Variants in CPAP observed in about 807,000 individuals in gnomAD.
CPAP encodes centrosomal P4.1-associated protein.
chr13:24,884,603 A>G, the CPAP span: 1 of 810,150 alleles, frequency 1.2e-6, no homozygotes, highest in African/African-American at 1.7e-5. Context: ...TTTCGTGAGG[A>G]GTAGCAAACT....
chr13:24,885,097 G>A, the CPAP span, among the ~76,000 whole-genome samples: 3 of 152,180 alleles, frequency 2.0e-5, no homozygotes, highest in Non-Finnish European at 4.4e-5. Context: ...CAAAGGCTTT[G>A]GAGTAAGAAC....
chr13:24,906,224 T>C, the CPAP span: 8 of 1,609,822 alleles, frequency 5.0e-6, no homozygotes, highest in African/African-American at 1.1e-4. Flanking sequence ...GCAGATCTGT[T>C]GATCCCTTTC....
chr13:24,925,164 CAG>C, the CPAP span, among the ~76,000 whole-genome samples: 90 of 152,168 alleles, frequency 5.9e-4, 1 homozygote, highest in South Asian at 2.7e-3. Context: ...TTTTTGGAGA[CAG>C]GGGTCTCACT....
At chr13:24,902,236 TA>T in the CPAP span, among the ~76,000 whole-genome samples, 128,663 of 151,596 alleles carry the variant, frequency 0.85, 54,653 homozygotes, top group South Asian at 0.89. Flanking sequence ...GGGAAAATGC[TA>T]AAAAAAAACA....
the CPAP span, among the ~76,000 whole-genome samples, chr13:24,894,203 G>A: frequency 6.6e-6 from 1 of 152,200 alleles, no homozygotes; most frequent in African/African-American, 2.4e-5. Flanking sequence ...AAGGAAAGCA[G>A]AGGCATATGG....
the CPAP span, among the ~76,000 whole-genome samples, chr13:24,904,828 T>A: frequency 2.6e-5 from 4 of 152,342 alleles, no homozygotes; most frequent in East Asian, 7.7e-4. Context: ...TATAATATAA[T>A]GGAAAGGAAT....
chr13:24,928,320 T>C, the CPAP span, among the ~76,000 whole-genome samples: 369 of 152,348 alleles, frequency 2.4e-3, 1 homozygote, highest in African/African-American at 8.4e-3. Context: ...GAGATGCATG[T>C]GTCTGGCCTC....
At chr13:24,900,203 A>G in the CPAP span, among the ~76,000 whole-genome samples, 1 of 152,250 alleles carries the variant, frequency 6.6e-6, no homozygotes, top group African/African-American at 2.4e-5. Flanking sequence ...GTCCACACAC[A>G]GCAGTACAGG....
chr13:24,911,883 G>A, the CPAP span: 16 of 1,591,476 alleles, frequency 1.0e-5, no homozygotes, highest in Middle Eastern at 3.3e-4. Flanking sequence ...TAGAAATAAC[G>A]TGTCAAACAA....
the CPAP span, among the ~76,000 whole-genome samples, chr13:24,911,753 T>G: frequency 3.3e-5 from 5 of 151,614 alleles, no homozygotes; most frequent in East Asian, 9.7e-4. Flanking sequence ...AAGCAGGGCA[T>G]GCGCACACCA....
At chr13:24,898,258 TGAG>T in the CPAP span, among the ~76,000 whole-genome samples, 4 of 152,100 alleles carry the variant, frequency 2.6e-5, no homozygotes, top group African/African-American at 7.2e-5. Context: ...ATAGGTGAAA[TGAG>T]GAGATGTCTG....
At chr13:24,905,846 C>T in the CPAP span, 1 of 1,614,174 alleles carries the variant, frequency 6.2e-7, no homozygotes, top group Non-Finnish European at 8.5e-7. Flanking sequence ...GACTTGTGGG[C>T]TATCCTCTCT....
chr13:24,916,022 G>A, the CPAP span, among the ~76,000 whole-genome samples: 1 of 152,214 alleles, frequency 6.6e-6, no homozygotes, highest in South Asian at 2.1e-4. Flanking sequence ...AAAACCTTGA[G>A]TGGAGAGGAT....
the CPAP span, chr13:24,913,001 C>A: frequency 1.9e-6 from 3 of 1,614,068 alleles, no homozygotes; most frequent in Non-Finnish European, 2.5e-6. Context: ...CTGTTTAACT[C>A]TGAAGAGGTT....
At chr13:24,892,816 T>G in the CPAP span, 1 of 1,613,432 alleles carries the variant, frequency 6.2e-7, no homozygotes. Flanking sequence ...GACCATTTGG[T>G]TTCCTTTCTT....
the CPAP span, among the ~76,000 whole-genome samples, chr13:24,894,092 A>G: frequency 6.6e-5 from 10 of 152,268 alleles, 1 homozygote; most frequent in South Asian, 1.7e-3. Flanking sequence ...TGCCAGCACT[A>G]CAAGGGACCA....
chr13:24,933,226 G>A, the CPAP span: 8,769 of 1,010,598 alleles, frequency 8.7e-3, 59 homozygotes, highest in Non-Finnish European at 9.8e-3. Context: ...ACAGAGATTA[G>A]CAGCAGGAGA....
the CPAP span, chr13:24,932,979 C>G: frequency 1.3e-6 from 2 of 1,504,336 alleles, no homozygotes; most frequent in Non-Finnish European, 1.8e-6. Context: ...AAGAGAGGGT[C>G]CTTAAAAACT....
the CPAP span, chr13:24,912,107 T>A: frequency 1.1e-5 from 18 of 1,583,052 alleles, no homozygotes; most frequent in Non-Finnish European, 1.6e-5. Flanking sequence ...AAATCAACTT[T>A]ACAATTCTTC....
Sources: gnomAD v4.1 joint callset for allele counts (sites outside exome capture counted in the v4.1 genomes callset) on GRCh38, gnomAD v4.1.1 for gene constraint, MANE v1.5 for transcripts, NCBI Gene and HGNC (gene_info 2026-07-23, HGNC 2026-07-21) for gene names.